The following SPATA9 variants were observed in gnomAD, a reference collection of about 807,000 sequenced individuals.
SPATA9 encodes the protein spermatogenesis associated 9, also known as spermatogenesis-associated protein 9.
Under a neutral mutation model 25.5 loss-of-function variants are expected in SPATA9, and 27 were observed. The ratio of observed to expected loss-of-function variants is 1.06; its 90% CI spans 0.78 to 1.46. The LOEUF is 1.46. Among genes scored for constraint, SPATA9 ranks in the 40% most tolerant of loss-of-function variants. The pLI is 0.00. For synonymous variants in SPATA9, 102 were observed against 105.7 expected (o/e 0.97, Z 0.21); for missense variants, 282 against 297.5 (o/e 0.95, Z 0.38).
the SPATA9 span, among the ~76,000 whole-genome samples, chr5:95,706,837 CAT>C: frequency 0.47 from 71,655 of 151,528 alleles, 17,990 homozygotes; most frequent in East Asian, 0.65. Flanking sequence ...GCCACATTTG[CAT>C]ATATATATAT....
At chr5:95,723,350 G>A in the SPATA9 span, among the ~76,000 whole-genome samples, 1 of 152,200 alleles carries the variant, frequency 6.6e-6, no homozygotes, top group Non-Finnish European at 1.5e-5. Context: ...AAACACAACT[G>A]AGATTACAGC....
At chr5:95,692,711 T>C (rs1035946129) in intron 1 of SPATA9, among the ~76,000 whole-genome samples, 6 of 152,118 alleles carry the variant, frequency 3.9e-5, no homozygotes, top group Non-Finnish European at 5.9e-5. Flanking sequence ...AGGACTATCT[T>C]AATTACATTT....
At chr5:95,700,201 A>C (rs1754141242), upstream of SPATA9, among the ~76,000 whole-genome samples, 1 of 152,170 alleles carries the variant, frequency 6.6e-6, no homozygotes, top group Non-Finnish European at 1.5e-5. Flanking sequence ...CAATAAAGCA[A>C]TTTCATAGTA....
chr5:95,668,299 A>C (rs138534717), intron 3 of SPATA9, among the ~76,000 whole-genome samples: 66 of 152,330 alleles, frequency 4.3e-4, no homozygotes, highest in Admixed American at 3.9e-3. Flanking sequence ...TATATTGTTT[A>C]AGGGTCATAT....
the SPATA9 span, chr5:95,731,358 C>A: frequency 8.8e-7 from 1 of 1,134,736 alleles, no homozygotes; most frequent in Non-Finnish European, 1.1e-6. Context: ...CAGCTGCCAG[C>A]CGAGGAGGCG....
intron 3 of SPATA9, among the ~76,000 whole-genome samples, chr5:95,669,736 C>T (rs1752191166): frequency 6.6e-6 from 1 of 152,156 alleles, no homozygotes; most frequent in African/African-American, 2.4e-5. Context: ...TTATCTAGGT[C>T]ACTGCAGCCT....
the SPATA9 span, among the ~76,000 whole-genome samples, chr5:95,705,003 G>A: frequency 6.6e-6 from 1 of 151,316 alleles, no homozygotes; most frequent in Non-Finnish European, 1.5e-5. Flanking sequence ...GGAGTGCAAT[G>A]GCAAGATCTC....
intron 1 of SPATA9, among the ~76,000 whole-genome samples, chr5:95,693,519 TA>T (rs1753939033): frequency 6.6e-6 from 1 of 152,170 alleles, no homozygotes; most frequent in Non-Finnish European, 1.5e-5. Context: ...CAAAAACATT[TA>T]AAACTAAACA....
chr5:95,725,136 T>C, the SPATA9 span, among the ~76,000 whole-genome samples: 3 of 152,172 alleles, frequency 2.0e-5, no homozygotes, highest in Non-Finnish European at 4.4e-5. Context: ...GGCAAAAACC[T>C]GGGAATAGCC....
the SPATA9 span, among the ~76,000 whole-genome samples, chr5:95,707,105 G>T: frequency 6.6e-6 from 1 of 152,100 alleles, no homozygotes; most frequent in Non-Finnish European, 1.5e-5. Flanking sequence ...GAATTCTTAA[G>T]TCAGCTAAAT....
chr5:95,701,652 C>T (rs1220028253), upstream of SPATA9, among the ~76,000 whole-genome samples: 3 of 151,360 alleles, frequency 2.0e-5, no homozygotes, highest in African/African-American at 7.3e-5. Flanking sequence ...ACTAGATCCC[C>T]CCAACAGGTC....
the SPATA9 span, among the ~76,000 whole-genome samples, chr5:95,724,554 G>A: frequency 6.6e-6 from 1 of 152,166 alleles, no homozygotes; most frequent in Non-Finnish European, 1.5e-5. Flanking sequence ...GGGGCCAATT[G>A]TCTGAATTGG....
At chr5:95,705,387 T>C in the SPATA9 span, among the ~76,000 whole-genome samples, 1 of 152,208 alleles carries the variant, frequency 6.6e-6, no homozygotes, top group East Asian at 1.9e-4. Flanking sequence ...CCATAGCATA[T>C]ATAATTAAGT....
At chr5:95,731,877 G>A in the SPATA9 span, 2 of 1,613,050 alleles carry the variant, frequency 1.2e-6, no homozygotes, top group Non-Finnish European at 1.7e-6. Context: ...ACATCGTGGC[G>A]CTGGGGAACG....
At chr5:95,720,629 CTT>C in the SPATA9 span, among the ~76,000 whole-genome samples, 1 of 143,734 alleles carries the variant, frequency 7.0e-6, no homozygotes, top group Non-Finnish European at 1.5e-5. Flanking sequence ...GTAAACTCTG[CTT>C]TTTTTTTTTG....
the SPATA9 span, among the ~76,000 whole-genome samples, chr5:95,727,997 C>G: frequency 3.0e-4 from 45 of 152,338 alleles, no homozygotes; most frequent in African/African-American, 1.0e-3. Flanking sequence ...GACCTGACTT[C>G]ATGTGGTTGA....
chr5:95,707,628 C>G, the SPATA9 span, among the ~76,000 whole-genome samples: 1 of 152,156 alleles, frequency 6.6e-6, no homozygotes, highest in Non-Finnish European at 1.5e-5. Flanking sequence ...TGGGCGTTAT[C>G]AATCAGATGA....
chr5:95,718,352 A>C, the SPATA9 span, among the ~76,000 whole-genome samples: 1 of 152,354 alleles, frequency 6.6e-6, no homozygotes, highest in Admixed American at 6.5e-5. Context: ...GCACTATCAG[A>C]GGGATCAGCC....
chr5:95,713,414 G>A, the SPATA9 span: 1 of 152,032 alleles, frequency 6.6e-6, no homozygotes, highest in South Asian at 2.1e-4. Flanking sequence ...GTGACAGTGA[G>A]TGAGTTCTCA....
Sources: gnomAD v4.1 joint callset for allele counts (sites outside exome capture counted in the v4.1 genomes callset) on GRCh38, gnomAD v4.1.1 for gene constraint, MANE v1.5 for transcripts, NCBI Gene and HGNC (gene_info 2026-07-23, HGNC 2026-07-21) for gene names.